BEND7: variants seen among roughly 807,000 people sequenced by gnomAD.
BEND7 encodes BEN domain-containing protein 7.
In BEND7, 28 loss-of-function variants were observed where a neutral mutation model predicts 50.9. The ratio of observed to expected loss-of-function variants is 0.55; its 90% confidence interval spans 0.41 to 0.75. The LOEUF is 0.75. Ranked by LOEUF, BEND7 falls within the 30% of genes least tolerant of loss-of-function variation. The pLI, the probability that BEND7 is intolerant of heterozygous loss-of-function variation, is 0.00. For missense variants in BEND7, 477 were observed against 491.3 expected (o/e 0.97, Z 0.28); for synonymous variants, 170 against 183.9 (o/e 0.92, Z 0.61).
intron 2 of BEND7, chr10:13,500,519 G>C (rs1292432071): frequency 1.5e-5 from 15 of 990,842 alleles, no homozygotes; most frequent in Non-Finnish European, 1.8e-5. Context: ...CTGTCTGTCA[G>C]CTTCACCAGG....
chr10:13,501,842 T>C lies in BEND7; in HGVS notation c.146-1762A>G. Among the ~76,000 whole-genome samples, 2 of 109,236 alleles carry C rather than the reference T, an allele frequency of 1.8e-5. 1 individual carries two copies. The highest frequency in any genetic ancestry group is 6.8e-5 in the African/African-American group (2 of 29,438). 71.7% of individuals were successfully genotyped at this position (109,236 alleles called of 152,430 possible). On this transcript the variant is annotated intron_variant, in intron 2 of 8. Transcript: ENST00000466271. ...GCCTGGGTGATAGTGGCAGACCCTG[T>C]CTCAAAAAAAAAAAAAATCTTAGGC...
rs539005468 is a variant in BEND7 at position 13,523,887 on chromosome 10, C to A, written c.145+2251G>T. On this transcript the variant is annotated intron_variant, in intron 2 of 8. Coordinates refer to ENST00000466271, the MANE Select transcript of BEND7 (RefSeq NM_001369863.1). ...ATTTGGGAACCAACTACATGATGAC[C>A]CAAGAATGAGCAAAAGATTGAAAAT... 3.3e-5 allele frequency among the ~76,000 whole-genome samples: 5 copies of A among 152,200 alleles called. No individual in the cohort carries two copies. The South Asian group carries it at 6.2e-4, about 19-fold the overall frequency.
At chr10:13,507,030 A>G (rs2077946726) in intron 2 of BEND7, among the ~76,000 whole-genome samples, 1 of 152,138 alleles carries the variant, frequency 6.6e-6, no homozygotes. Context: ...TTTGAGCATG[A>G]AGCCATATTT....
chr10:13,447,878 C>T (rs1836763321), intron 7 of BEND7, among the ~76,000 whole-genome samples: 3 of 152,090 alleles, frequency 2.0e-5, no homozygotes, highest in Admixed American at 2.0e-4. Context: ...AATATCGAAC[C>T]AGCATGTGGG....
chr10:13,500,912 CTG>C lies in BEND7; in HGVS notation c.146-834_146-833del, dbSNP rs916054937. On this transcript the variant is annotated intron_variant, in intron 2 of 8. Coordinates refer to ENST00000466271, the MANE Select transcript of BEND7 (RefSeq NM_001369863.1). The stretch of plus-strand genomic sequence containing the variant: ...CACTGCCACCTCCCCTGCAGCGTAA[CTG>C]TGTGCGAAAGGTCACAGGCCACTTT... 35 of 890,230 alleles carry C rather than the reference CTG, an allele frequency of 3.9e-5. No individual in the cohort carries two copies. In the African/African-American group the frequency reaches 5.8e-4, roughly 15 times the overall value. 55.1% of individuals were successfully genotyped at this position (890,230 alleles called of 1,614,324 possible).
intron 2 of BEND7, chr10:13,511,395 C>G (rs1012682402): frequency 6.6e-6 from 1 of 152,014 alleles, no homozygotes; most frequent in Non-Finnish European, 1.5e-5. Context: ...ATGACTGTTT[C>G]GAAGGAAAAA....
chr10:13,460,713 G>A (rs1392084802), intron 6 of BEND7, among the ~76,000 whole-genome samples: 2 of 152,206 alleles, frequency 1.3e-5, no homozygotes, highest in African/African-American at 4.8e-5. Flanking sequence ...ATCTATTTCA[G>A]CATATGGTTT....
At chr10:13,483,572 G>A (rs1249827840) in intron 5 of BEND7, among the ~76,000 whole-genome samples, 3 of 152,150 alleles carry the variant, frequency 2.0e-5, no homozygotes, top group Non-Finnish European at 2.9e-5. Flanking sequence ...AGTTTGCCAC[G>A]CTGTGCTCAG....
At chr10:13,508,817 C>T (rs1009455706) in intron 2 of BEND7, among the ~76,000 whole-genome samples, 1 of 152,188 alleles carries the variant, frequency 6.6e-6, no homozygotes, top group African/African-American at 2.4e-5. Context: ...CAGCCTAGCA[C>T]AGGAAACAAA....
intron 6 of BEND7, among the ~76,000 whole-genome samples, chr10:13,479,954 A>G (rs2075738294): frequency 6.6e-6 from 1 of 152,216 alleles, no homozygotes; most frequent in South Asian, 2.1e-4. Context: ...AATGGGGAAC[A>G]GAAGGGGGCA....
chr10:13,505,020 G>A (rs781274353), intron 2 of BEND7, among the ~76,000 whole-genome samples: 3 of 152,264 alleles, frequency 2.0e-5, no homozygotes, highest in Admixed American at 6.5e-5. Flanking sequence ...CGTGGAACAC[G>A]ATTATTCACA....
At chr10:13,451,299 C>T (rs529872807) in intron 7 of BEND7, among the ~76,000 whole-genome samples, 1 of 151,984 alleles carries the variant, frequency 6.6e-6, no homozygotes, top group African/African-American at 2.4e-5. Context: ...AGTGATCCTC[C>T]CATCTTAGCC....
intron 2 of BEND7, among the ~76,000 whole-genome samples, chr10:13,511,891 C>T (rs2078300101): frequency 1.3e-5 from 2 of 152,176 alleles, no homozygotes; most frequent in Non-Finnish European, 2.9e-5. Flanking sequence ...CACTCCTCTA[C>T]TAAGCTGCTC....
intron 2 of BEND7, among the ~76,000 whole-genome samples, chr10:13,507,587 A>C (rs1280977163): frequency 6.6e-6 from 1 of 152,236 alleles, no homozygotes; most frequent in Non-Finnish European, 1.5e-5. Context: ...AATTATCTCT[A>C]AATATACTAC....
In BEND7 at chr10:13,511,724, T is replaced by C. The variant is rs145557743; in HGVS notation, c.146-11644A>G. Among the ~76,000 whole-genome samples the C allele has an allele frequency of 3.5e-3, 526 of 151,944 alleles. 3 individuals are homozygous for C. The highest frequency in any genetic ancestry group is 0.024 in the Middle Eastern group (7 of 294). On this transcript the variant is annotated intron_variant, in intron 2 of 8. Transcript: ENST00000466271. ...TGAATACCACTTACAGAGCACTTAGTATGTACCAGGCCTCTGGTAAGCACC... is the reference window on the plus strand; with the variant it reads ...TGAATACCACTTACAGAGCACTTAGCATGTACCAGGCCTCTGGTAAGCACC...
Position 13,499,805 on chromosome 10 carries a change from G to C in BEND7, c.421C>G (p.Gln141Glu), listed in dbSNP as rs1247782471. 2 of 1,609,666 alleles carry C rather than the reference G, an allele frequency of 1.2e-6. No individual in the cohort carries two copies. Among genetic ancestry groups the C allele is most frequent in the Non-Finnish European group, 8.5e-7 (1 of 1,176,512 alleles). Residue 141 changes from glutamine to glutamate, a missense_variant, in exon 3 of 9, where the codon CAG becomes GAG. Transcript: ENST00000466271. ...YGTRSRTFQS[Q>E]PHPTTSSNGE... ...TTGGAGCTCGTGGTAGGGTGGGGCT[G>C]GCTTTGGAAGGTTCTAGAACGGGTG...
chr10:13,488,849 T>C (rs2076446976), intron 5 of BEND7, among the ~76,000 whole-genome samples: 1 of 152,194 alleles, frequency 6.6e-6, no homozygotes, highest in Non-Finnish European at 1.5e-5. Context: ...TAGTTGAGGT[T>C]TGAATTTTAT....
At chr10:13,473,322 G>A (rs1321558676) in intron 6 of BEND7, among the ~76,000 whole-genome samples, 2 of 150,960 alleles carry the variant, frequency 1.3e-5, no homozygotes, top group Admixed American at 6.6e-5. Flanking sequence ...TGTTAGACTC[G>A]GGGATGGTAT....
At chr10:13,472,031 C>T (rs557249396) in intron 6 of BEND7, among the ~76,000 whole-genome samples, 16 of 151,536 alleles carry the variant, frequency 1.1e-4, no homozygotes, top group Middle Eastern at 3.4e-3. Flanking sequence ...GACTCGGGGT[C>T]GATACCCGTC....
Sources: gnomAD v4.1 joint callset for allele counts (sites outside exome capture counted in the v4.1 genomes callset) on GRCh38, gnomAD v4.1.1 for gene constraint, MANE v1.5 for transcripts, NCBI Gene and HGNC (gene_info 2026-07-23, HGNC 2026-07-21) for gene names.